The following GULP1 variants were observed in gnomAD, a reference collection of about 807,000 sequenced individuals.
GULP1 encodes the protein GULP PTB domain containing engulfment adaptor 1, also known as PTB domain-containing engulfment adapter protein 1.
Under a neutral mutation model 40.9 loss-of-function variants are expected in GULP1, and 19 were observed. The observed-to-expected ratio is 0.46, with a 90% CI of 0.32 to 0.68. The LOEUF is 0.68. GULP1 is among the 30% of genes least tolerant of loss of function. The pLI, the probability that GULP1 is intolerant of heterozygous loss-of-function variation, is 0.03. For synonymous variants in GULP1, 119 were observed against 117.6 expected, an observed-to-expected ratio of 1.01 and a Z score of -0.08; for missense variants, 312 against 362.2, an observed-to-expected ratio of 0.86 and a Z score of 1.12.
intron 4 of GULP1, among the ~76,000 whole-genome samples, chr2:188,494,096 A>G (rs570180517): frequency 6.6e-6 from 1 of 152,178 alleles, no homozygotes; most frequent in African/African-American, 2.4e-5. Flanking sequence ...ATTCCCAGAC[A>G]ACAAGGACTG....
At chr2:188,445,920 C>G (rs1438895468) in intron 2 of GULP1, among the ~76,000 whole-genome samples, 6 of 152,156 alleles carry the variant, frequency 3.9e-5, no homozygotes, top group Non-Finnish European at 7.3e-5. Context: ...ACTTCAGCCT[C>G]TGTTGCAGGG....
intron 1 of GULP1, among the ~76,000 whole-genome samples, chr2:188,382,316 A>G (rs770735982): frequency 2.0e-5 from 3 of 152,140 alleles, no homozygotes; most frequent in Non-Finnish European, 4.4e-5. Context: ...TTACAGTGAG[A>G]TATATCTGAG....
intron 2 of GULP1, among the ~76,000 whole-genome samples, chr2:188,423,798 T>A (rs2055783857): frequency 6.6e-6 from 1 of 151,858 alleles, no homozygotes; most frequent in Non-Finnish European, 1.5e-5. Flanking sequence ...AATAGCATTT[T>A]AATTTTAAAT....
intron 2 of GULP1, among the ~76,000 whole-genome samples, chr2:188,429,189 C>T (rs1301727210): frequency 3.9e-5 from 6 of 151,958 alleles, no homozygotes; most frequent in African/African-American, 1.5e-4. Flanking sequence ...TGTCAGATAC[C>T]AGTGTTGATG....
intron 1 of GULP1, among the ~76,000 whole-genome samples, chr2:188,377,768 G>A (rs367799821): frequency 4.6e-5 from 7 of 152,130 alleles, no homozygotes; most frequent in Non-Finnish European, 8.8e-5. Flanking sequence ...CTAATGCTAC[G>A]TAAAAGAAAT....
At chr2:188,327,955 C>T (rs746733766) in intron 1 of GULP1, among the ~76,000 whole-genome samples, 1 of 152,172 alleles carries the variant, frequency 6.6e-6, no homozygotes, top group Non-Finnish European at 1.5e-5. Context: ...CCTACTTCTC[C>T]CACTGCTTCC....
chr2:188,299,848 C>T (rs1199725154), intron 1 of GULP1, among the ~76,000 whole-genome samples: 3 of 151,994 alleles, frequency 2.0e-5, no homozygotes, highest in Non-Finnish European at 2.9e-5. Context: ...GTTGGGCAGG[C>T]ATTGAAAAGG....
chr2:188,509,591 C>T (rs887824056), intron 4 of GULP1, among the ~76,000 whole-genome samples: 11 of 151,996 alleles, frequency 7.2e-5, no homozygotes, highest in Non-Finnish European at 1.6e-4. Context: ...GTTTGAGTAA[C>T]AGACTCCCTT....
At chr2:188,409,093 A>G (rs917738053) in intron 2 of GULP1, among the ~76,000 whole-genome samples, 2 of 152,138 alleles carry the variant, frequency 1.3e-5, no homozygotes, top group Non-Finnish European at 2.9e-5. Context: ...AAAGAAGAAA[A>G]TTCTAAGCCC....
At chr2:188,369,867 G>A (rs2047372543) in intron 1 of GULP1, among the ~76,000 whole-genome samples, 2 of 152,008 alleles carry the variant, frequency 1.3e-5, no homozygotes, top group African/African-American at 2.4e-5. Flanking sequence ...TTAAGAGACG[G>A]AAGTCTCCCT....
At chr2:188,480,482 A>G (rs1388104912) in intron 3 of GULP1, among the ~76,000 whole-genome samples, 10 of 151,944 alleles carry the variant, frequency 6.6e-5, no homozygotes, top group Non-Finnish European at 1.5e-4. Context: ...AAATCTCCAA[A>G]TTAGTAAGTT....
chr2:188,551,916 A>G (rs1213549987), intron 7 of GULP1, among the ~76,000 whole-genome samples: 2 of 151,686 alleles, frequency 1.3e-5, no homozygotes, highest in African/African-American at 4.8e-5. Context: ...GCATTCTGTG[A>G]TGATTATAAT....
intron 9 of GULP1, among the ~76,000 whole-genome samples, chr2:188,574,033 T>C (rs1199667704): frequency 1.3e-5 from 2 of 152,216 alleles, no homozygotes; most frequent in African/African-American, 2.4e-5. Context: ...TTCACAAATA[T>C]ATACTTATAA....
chr2:188,418,548 A>G (rs1029407097), intron 2 of GULP1, among the ~76,000 whole-genome samples: 1 of 152,148 alleles, frequency 6.6e-6, no homozygotes, highest in Admixed American at 6.5e-5. Flanking sequence ...CACAAGAATC[A>G]GTTGAACCTG....
intron 6 of GULP1, among the ~76,000 whole-genome samples, chr2:188,538,563 G>A (rs1689548720): frequency 6.6e-6 from 1 of 151,790 alleles, no homozygotes; most frequent in Admixed American, 6.6e-5. Flanking sequence ...TATATATAAA[G>A]TACCATTTCT....
chr2:188,483,459 T>C lies in GULP1; in HGVS notation c.57T>C (p.Ala19=). 1 of 1,528,810 alleles carries C rather than the reference T, an allele frequency of 6.5e-7. No individual in the cohort carries two copies. The highest frequency in any genetic ancestry group is 1.4e-5 in the African/African-American group (1 of 73,498). 94.7% of individuals were successfully genotyped at this position (1,528,810 alleles called of 1,614,324 possible). A position where few individuals can be genotyped will look rare whatever the true frequency, so the allele number is the denominator to read the frequency against. The change falls in exon 4 of 12, where the codon GCT becomes GCC. Residue 19 remains alanine, a synonymous_variant. Transcript: ENST00000409830. ...KDKTWMHTPE[A]LSKHFIPYNA... ...AAACATGGATGCATACACCTGAAGC[T>C]TTATCAAAACATTTCATTCCCTATA...
intron 9 of GULP1, among the ~76,000 whole-genome samples, chr2:188,576,555 T>C (rs1700213415): frequency 6.6e-6 from 1 of 152,190 alleles, no homozygotes; most frequent in Non-Finnish European, 1.5e-5. Context: ...ACACTTCATG[T>C]ATATAAAATA....
At position 188,532,876 on chromosome 2, in the gene GULP1, G is replaced by A. The variant is rs552211210; in HGVS notation, c.261+3681G>A. ...GTGGAGGTTGCAGTGAGCCAAGATC[G>A]CGCCACTGCACTCCAGCACAGGTGA... is the stretch of plus-strand genomic sequence containing the variant. On this transcript the variant is annotated intron_variant, in intron 6 of 11. Transcript: ENST00000409830. Among the ~76,000 whole-genome samples, 58 of 152,046 alleles carry A rather than the reference G, an allele frequency of 3.8e-4. No individual in the cohort carries two copies. The South Asian group carries it at 0.011, about 28-fold the overall frequency.
chr2:188,537,161 T>G (rs1689154130), intron 6 of GULP1, among the ~76,000 whole-genome samples: 1 of 152,056 alleles, frequency 6.6e-6, no homozygotes, highest in African/African-American at 2.4e-5. Flanking sequence ...TATTTTTTTA[T>G]TTTGAAGCCT....
Sources: gnomAD v4.1 joint callset for allele counts (sites outside exome capture counted in the v4.1 genomes callset) on GRCh38, gnomAD v4.1.1 for gene constraint, MANE v1.5 for transcripts, NCBI Gene and HGNC (gene_info 2026-07-23, HGNC 2026-07-21) for gene names.